Variants in ABCA4 observed in about 807,000 individuals in gnomAD.
The protein encoded by ABCA4 is ATP binding cassette subfamily A member 4, also known as retinal-specific phospholipid-transporting ATPase ABCA4.
Under a neutral mutation model 263.7 loss-of-function variants are expected in ABCA4, and 196 were observed. The ratio of observed to expected loss-of-function variants is 0.74; its 90% CI spans 0.66 to 0.84. The LOEUF is 0.84. Among genes scored for constraint, ABCA4 ranks in the 40% least tolerant of loss-of-function variants. The pLI, the probability that ABCA4 is intolerant of heterozygous loss-of-function variation, is 0.00. For synonymous variants in ABCA4, 1,133 were observed against 1,094.2 expected (o/e 1.04, Z -0.70); for missense variants, 2,792 against 2,855.1 (o/e 0.98, Z 0.50).
In ABCA4 at chr1:93,993,062, T is replaced by G; in HGVS notation, c.*175A>C. ...CCAGGTGAGCAAGTCAGTTTCGGTT[T>G]CCTTCTGAAAGACCTCTTTCTGAAT... is the stretch of plus-strand genomic sequence containing the variant. On this transcript the variant is annotated 3_prime_UTR_variant, in exon 50 of 50. Coordinates refer to ENST00000370225, the MANE Select transcript of ABCA4 (RefSeq NM_000350.3). 1 of 783,442 alleles carries G rather than the reference T, an allele frequency of 1.3e-6. No homozygotes were observed. The highest frequency in any genetic ancestry group is 2.1e-6 in the Non-Finnish European group (1 of 485,060). The allele number at this position is 783,442 out of a possible 1,614,324, so 48.5% of individuals were successfully genotyped here. A position where few individuals can be genotyped will look rare whatever the true frequency, so the allele number is the denominator to read the frequency against.
At chr1:94,059,980 C>G (rs1396918585) in intron 14 of ABCA4, among the ~76,000 whole-genome samples, 1 of 152,114 alleles carries the variant, frequency 6.6e-6, no homozygotes, top group East Asian at 1.9e-4. Flanking sequence ...ACTCCAAATT[C>G]CATCCTTTAA....
At chr1:94,075,679 T>G (rs1328508903) in intron 11 of ABCA4, among the ~76,000 whole-genome samples, 4 of 152,218 alleles carry the variant, frequency 2.6e-5, no homozygotes, top group Admixed American at 2.0e-4. Flanking sequence ...CTCGAGTTTA[T>G]TCCCTCTCCT....
intron 35 of ABCA4, among the ~76,000 whole-genome samples, chr1:94,020,220 T>C (rs138174232): frequency 8.1e-4 from 123 of 152,338 alleles, no homozygotes; most frequent in African/African-American, 2.8e-3. Flanking sequence ...GAAATGTTCA[T>C]GATGTAAATT....
rs375186173 is a variant in ABCA4, at chr1:94,121,079, G to A, written c.-34C>T. ...CCACACGAAGACCAGATTGGTCAGA[G>A]CTGAGGCCCCTCAGACAGCAAAGGA... On this transcript the variant is annotated 5_prime_UTR_variant, in exon 1 of 50. Transcript: ENST00000370225. 2.0e-4 allele frequency: 323 copies of A among 1,605,998 alleles called. 1 individual carries two copies. In the African/African-American group the frequency reaches 3.7e-3, roughly 19 times the overall value.
rs758795465 is a variant in ABCA4 at position 94,001,924 on chromosome 1, A to G, written c.6216T>C (p.Ser2072=). 1.2e-5 allele frequency: 20 copies of G among 1,613,952 alleles called. No individual in the cohort carries two copies. The Admixed American group carries it at 2.7e-4, about 22-fold the overall frequency. The part of the protein sequence containing the change: ...VYADCLAGTY[S]GGNKRKLSTA... ...TGGAGAGTTTCCGCTTGTTGCCCCC[A>G]CTGTACGTGCCAGCCAGGCAGTCGG... Residue 2072 remains serine, a synonymous_variant, in exon 45 of 50, where the codon AGT becomes AGC. Coordinates refer to ENST00000370225, the MANE Select transcript of ABCA4 (RefSeq NM_000350.3).
At chr1:94,017,342 G>T (rs1659770698) in intron 36 of ABCA4, among the ~76,000 whole-genome samples, 1 of 152,188 alleles carries the variant, frequency 6.6e-6, no homozygotes, top group African/African-American at 2.4e-5. Flanking sequence ...GCATCTGTTT[G>T]CTGATACTGC....
At chr1:94,091,273 T>TAA (rs1661958570) in intron 6 of ABCA4, among the ~76,000 whole-genome samples, 2 of 152,180 alleles carry the variant, frequency 1.3e-5, no homozygotes, top group Non-Finnish European at 2.9e-5. Context: ...TTCCCAGCTC[T>TAA]TTTTAGTGGG....
At chr1:94,078,509 TG>T in intron 10 of ABCA4, 80 bp downstream of exon 10, 1 of 1,132,950 alleles carries the variant, frequency 8.8e-7, no homozygotes. Context: ...AACTCTTTCC[TG>T]GGAAAAGGAA....
At chr1:94,005,782 A>C (rs767316055) in intron 43 of ABCA4, among the ~76,000 whole-genome samples, 200 bp from the exon 44 acceptor site, 1 of 152,226 alleles carries the variant, frequency 6.6e-6, no homozygotes, top group Non-Finnish European at 1.5e-5. Context: ...AGATTCTTCC[A>C]TGTTTCCATG....
At chr1:94,079,242 ATC>A (rs750289373) in intron 9 of ABCA4, 78 bp downstream of exon 9, 14 of 1,533,082 alleles carry the variant, frequency 9.1e-6, no homozygotes, top group East Asian at 2.3e-5. Flanking sequence ...AGGAAGGCAC[ATC>A]TCTCTCACAC....
Position 94,024,935 on chromosome 1 carries a change from T to C in ABCA4, c.4634+19A>G. On this transcript the variant is annotated intron_variant, in intron 31 of 49. Transcript: ENST00000370225. ...CTACAGGGAGCCAGGATAAAAAGCA[T>C]AAAAGGATTTCTTCTTACCTGCTTC... The C allele has an allele frequency of 6.3e-7, 1 of 1,596,894 alleles. No individual in the cohort carries two copies. Among genetic ancestry groups the C allele is most frequent in the Non-Finnish European group, 8.6e-7 (1 of 1,164,238 alleles).
Position 94,021,377 on chromosome 1 carries a change from C to G in ABCA4, c.4881G>C (p.Leu1627=), listed in dbSNP as rs1659892113. ...TGTGGGCCACATTGAGAAAGCTGACCAGGGCATGCCAGCCTTTGTTATTAA... is the reference window on the plus strand; with the variant it reads ...TGTGGGCCACATTGAGAAAGCTGACGAGGGCATGCCAGCCTTTGTTATTAA... ...VWFNNKGWHA[L]VSFLNVAHNA... is the part of the protein sequence containing the mutation. Residue 1627 remains leucine, a synonymous_variant, in exon 35 of 50, where the codon CTG becomes CTC. Transcript: ENST00000370225. The G allele has an allele frequency of 6.2e-7, 1 of 1,614,168 alleles. No homozygotes were observed. Among genetic ancestry groups the G allele is most frequent in the African/African-American group, 1.3e-5 (1 of 75,012 alleles).
At chr1:94,116,065 T>G (rs947665666) in intron 1 of ABCA4, among the ~76,000 whole-genome samples, 18 of 152,192 alleles carry the variant, frequency 1.2e-4, no homozygotes, top group Non-Finnish European at 2.5e-4. Context: ...CGCACTCTCC[T>G]GGCATCCACC....
intron 35 of ABCA4, 95 bp from the exon 36 acceptor site, chr1:94,019,854 C>A: frequency 7.2e-7 from 1 of 1,391,770 alleles, no homozygotes; most frequent in South Asian, 1.2e-5. Context: ...AGGCCTTACA[C>A]CCGCCCAGGT....
chr1:94,073,451 C>T (rs1430597534), intron 11 of ABCA4, among the ~76,000 whole-genome samples: 2 of 151,966 alleles, frequency 1.3e-5, no homozygotes, highest in African/African-American at 4.8e-5. Context: ...ACAGGAGGCA[C>T]TAACATCATT....
chr1:94,014,553 T>C lies in ABCA4; in HGVS notation c.5450A>G (p.Glu1817Gly). 1 of 1,614,174 alleles carries C rather than the reference T, an allele frequency of 6.2e-7. No individual in the cohort carries two copies. The highest frequency in any genetic ancestry group is 8.5e-7 in the Non-Finnish European group (1 of 1,180,032). Residue 1817 changes from glutamate (E) to glycine (G), a missense_variant, in exon 38 of 50, where the codon GAG (glutamate) becomes GGG (glycine). Physicochemically the swap from Glu to Gly is moderately conservative, Grantham distance 98. Coordinates refer to ENST00000370225, the MANE Select transcript of ABCA4 (RefSeq NM_000350.3). Reference protein sequence around the residue: ...SAITFILELFENNRTLLRFNA... With the variant: ...SAITFILELFGNNRTLLRFNA... ...GAAAGTTATGCTCACCCGGTTATTC[T>C]CAAATAATTCCAAGATGAAGGTAAT...
chr1:93,999,469 G>A lies in ABCA4; in HGVS notation c.6480-1359C>T, dbSNP rs1659114898. On this transcript the variant is annotated intron_variant, in intron 47 of 49. Transcript: ENST00000370225. ...GTGGGAGCAAAGGCTCGGGAAGGCA[G>A]CACTTCCCTGAGGAAGCTTCCTGAA... 2.0e-5 allele frequency among the ~76,000 whole-genome samples: 3 copies of A among 152,248 alleles called. No individual in the cohort carries two copies. The South Asian group carries it at 6.2e-4, about 31-fold the overall frequency.
chr1:94,063,823 C>A (rs538757985), intron 11 of ABCA4, among the ~76,000 whole-genome samples: 25 of 152,218 alleles, frequency 1.6e-4, no homozygotes, highest in Non-Finnish European at 3.1e-4. Context: ...GAGAAAATAA[C>A]AGACAGCCAA....
rs1447152892 is a variant in ABCA4, at chr1:94,098,803, G to C, written c.759C>G (p.Leu253=). 1.9e-6 allele frequency: 3 copies of C among 1,614,178 alleles called. No individual in the cohort carries two copies. The highest frequency in any genetic ancestry group is 2.5e-6 in the Non-Finnish European group (3 of 1,180,026). ...TLYANVDFFK[L]FRVLPTLLDS... ...CAAACCCCTCCCTTACCACACGGAA[G>C]AGCTTGAAGAAGTCCACGTTGGCAT... The change falls in exon 6 of 50, where the codon CTC becomes CTG. Residue 253 remains leucine (L), a synonymous_variant. Coordinates refer to ENST00000370225, the MANE Select transcript of ABCA4 (RefSeq NM_000350.3).
Sources: allele counts gnomAD v4.1 joint callset (sites outside exome capture counted in the v4.1 genomes callset), GRCh38; gene constraint gnomAD v4.1.1; transcripts MANE v1.5; gene names NCBI Gene and HGNC (gene_info 2026-07-23, HGNC 2026-07-21).